Variants in SCNN1B observed in about 807,000 individuals in gnomAD.
SCNN1B encodes sodium channel epithelial 1 subunit beta.
A neutral mutation model predicts 65.3 loss-of-function variants in SCNN1B; 46 were observed. The observed-to-expected ratio is 0.70, with a 90% CI of 0.56 to 0.90. The LOEUF (loss-of-function observed/expected upper bound fraction) is 0.90. Among genes scored for constraint, SCNN1B ranks in the 40% least tolerant of loss-of-function variants. The probability of loss-of-function intolerance (pLI) is 0.00; values close to 1 mark genes in which losing one functional copy is unlikely to be tolerated. For missense variants in SCNN1B, 751 were observed against 830.5 expected (o/e 0.90, Z 1.18); for synonymous variants, 349 against 330.6 (o/e 1.06, Z -0.60).
At chr16:23,376,744 TAAAA>T (rs770607656) in intron 8 of SCNN1B, among the ~76,000 whole-genome samples, 1 of 63,196 alleles carries the variant, frequency 1.6e-5, no homozygotes. Context: ...ACCCCGTCTA[TAAAA>T]AAAAAAAAAA....
intron 11 of SCNN1B, among the ~76,000 whole-genome samples, chr16:23,379,842 T>C (rs913461878): frequency 3.3e-5 from 5 of 152,138 alleles, no homozygotes; most frequent in South Asian, 2.1e-4. Flanking sequence ...GGGCTGCACT[T>C]GCAGTTCTCG....
At chr16:23,379,046 T>C (rs1306569840) in intron 11 of SCNN1B, among the ~76,000 whole-genome samples, 1 of 149,802 alleles carries the variant, frequency 6.7e-6, no homozygotes. Flanking sequence ...CGCCCAGCCA[T>C]CCTCCACTCA....
intron 7 of SCNN1B, chr16:23,372,223 G>A (rs1962800300): frequency 2.6e-6 from 1 of 389,930 alleles, no homozygotes; most frequent in African/African-American, 2.0e-5. Flanking sequence ...GCGAAGGGCT[G>A]GAACACATTC....
chr16:23,337,668 G>A lies in SCNN1B; in HGVS notation c.-8-10924G>A, dbSNP rs185229463. Among the ~76,000 whole-genome samples, 461 of 151,202 alleles carry A rather than the reference G, an allele frequency of 3.0e-3. 7 individuals carry two copies. Among genetic ancestry groups the A allele is most frequent in the Non-Finnish European group, 3.8e-3 (259 of 67,840 alleles). On this transcript the variant is annotated intron_variant, in intron 1 of 12. Coordinates refer to ENST00000343070, the MANE Select transcript of SCNN1B (RefSeq NM_000336.3). Reference sequence around the variant, plus strand: ...GCTGTGATTACAGGCTTGAGCCACCGTGCTTGGCCCCAGGTTTCTTCTTAT... The same window carrying A: ...GCTGTGATTACAGGCTTGAGCCACCATGCTTGGCCCCAGGTTTCTTCTTAT...
intron 7 of SCNN1B, among the ~76,000 whole-genome samples, chr16:23,372,627 G>A (rs1962808700): frequency 6.6e-6 from 1 of 151,114 alleles, no homozygotes; most frequent in Admixed American, 6.6e-5. Context: ...CCGTGTAGCT[G>A]GGACTACAGG....
intron 5 of SCNN1B, among the ~76,000 whole-genome samples, chr16:23,368,454 A>T (rs985846612): frequency 2.0e-5 from 3 of 152,158 alleles, no homozygotes; most frequent in Non-Finnish European, 4.4e-5. Flanking sequence ...AGGCAGGAAG[A>T]TCGCTTGAGC....
intron 2 of SCNN1B, among the ~76,000 whole-genome samples, chr16:23,290,674 G>A (rs915026779): frequency 3.9e-5 from 6 of 151,982 alleles, no homozygotes; most frequent in Admixed American, 2.0e-4. Context: ...AAACCCCTAC[G>A]TGTAAAAAAT....
Position 23,380,116 on chromosome 16 carries a change from A to G in SCNN1B, c.1489A>G (p.Ile497Val). Residue 497 changes from isoleucine to valine, a missense_variant, in exon 12 of 13, where the codon ATC (isoleucine) becomes GTC (valine). Transcript: ENST00000343070. The surrounding 1 kb of genome is among the most constrained non-coding windows in gnomAD (Gnocchi z 5.4). The part of the protein sequence containing the change: ...LSRKGIVKLN[I>V]YFQEFNYRTI... The stretch of plus-strand genomic sequence containing the variant: ...CAGGAAGGGAATTGTCAAGCTCAAC[A>G]TCTACTTCCAAGAATTTAACTATCG... 3 of 1,614,088 alleles carry G rather than the reference A, an allele frequency of 1.9e-6. No individual in the cohort carries two copies. Among genetic ancestry groups the G allele is most frequent in the Non-Finnish European group, 2.5e-6 (3 of 1,180,008 alleles).
intron 2 of SCNN1B, among the ~76,000 whole-genome samples, chr16:23,293,814 C>T (rs577513784): frequency 6.6e-6 from 1 of 152,100 alleles, no homozygotes; most frequent in East Asian, 1.9e-4. Flanking sequence ...TCCCCAACTA[C>T]TCAGGAGGCT....
chr16:23,323,704 C>T (rs901419437), intron 1 of SCNN1B: 15 of 663,758 alleles, frequency 2.3e-5, no homozygotes, highest in South Asian at 3.3e-5. Flanking sequence ...TAGGCTGGGA[C>T]CAGGTTGCAA....
intron 4 of SCNN1B, among the ~76,000 whole-genome samples, chr16:23,359,580 C>T (rs1962493299): frequency 6.6e-6 from 1 of 152,122 alleles, no homozygotes; most frequent in African/African-American, 2.4e-5. Context: ...GGTGCTGGGC[C>T]ACAGACACTG....
intron 1 of SCNN1B, among the ~76,000 whole-genome samples, chr16:23,314,666 A>G (rs541871579): frequency 1.3e-5 from 2 of 152,262 alleles, no homozygotes; most frequent in East Asian, 3.9e-4. Flanking sequence ...CCTTTGGTTC[A>G]CCCACAGCCA....
Position 23,303,005 on chromosome 16 carries a change from G to A in SCNN1B, c.-9+568G>A, listed in dbSNP as rs544083619. Among the ~76,000 whole-genome samples, 12 of 152,298 alleles carry A rather than the reference G, an allele frequency of 7.9e-5. No individual in the cohort carries two copies. In the East Asian group the frequency reaches 2.3e-3, roughly 29 times the overall value. ...TCCGACCCTGGAGCCTACCTCGTGG[G>A]CTGTCAGTGGCGTCCGGGGAACGTG... On this transcript the variant is annotated intron_variant, in intron 1 of 12. Transcript: ENST00000343070.
At chr16:23,314,604 G>A (rs960438540) in intron 1 of SCNN1B, among the ~76,000 whole-genome samples, 3 of 152,166 alleles carry the variant, frequency 2.0e-5, no homozygotes, top group East Asian at 3.9e-4. Context: ...CGTCTGAGAG[G>A]TGAGTGTGGA....
At chr16:23,308,639 T>C (rs925224915) in intron 1 of SCNN1B, among the ~76,000 whole-genome samples, 1 of 152,190 alleles carries the variant, frequency 6.6e-6, no homozygotes, top group African/African-American at 2.4e-5. Flanking sequence ...TCTTATCTTA[T>C]TTGTTTATTT....
intron 1 of SCNN1B, among the ~76,000 whole-genome samples, chr16:23,315,872 C>A (rs1961442886): frequency 6.6e-6 from 1 of 152,152 alleles, no homozygotes; most frequent in Admixed American, 6.5e-5. Context: ...CACATAATAA[C>A]CCTATCAAGT....
At chr16:23,330,887 T>C (rs1386031768) in intron 1 of SCNN1B, among the ~76,000 whole-genome samples, 1 of 151,974 alleles carries the variant, frequency 6.6e-6, no homozygotes, top group African/African-American at 2.4e-5. Context: ...AGTCGAGGCT[T>C]CCCTGGAGCT....
In SCNN1B at chr16:23,361,769, T is replaced by C. The variant is rs200185249; in HGVS notation, c.777-6087T>C. Reference sequence around the variant, plus strand: ...AGCCATTTCTCTAAAGAGCTCTGTTTGGTTTTTTGGTTGTTTTGTTTGTTT... The same window carrying C: ...AGCCATTTCTCTAAAGAGCTCTGTTCGGTTTTTTGGTTGTTTTGTTTGTTT... On this transcript the variant is annotated intron_variant, in intron 4 of 12. Transcript: ENST00000343070. Among the ~76,000 whole-genome samples the C allele has an allele frequency of 2.0e-4, 31 of 152,278 alleles. No individual in the cohort carries two copies. The East Asian group carries it at 5.6e-3, about 27-fold the overall frequency.
chr16:23,380,863 G>T lies in SCNN1B; in HGVS notation c.*62G>T. On this transcript the variant is annotated 3_prime_UTR_variant, in exon 13 of 13. Coordinates refer to ENST00000343070, the MANE Select transcript of SCNN1B (RefSeq NM_000336.3). The surrounding 1 kb of genome is among the most constrained non-coding windows in gnomAD (Gnocchi z 5.4). ...TGAGCAGCCAAGACTGTTGCCCGAGGCCTCACTGTATGGTGCCCTCTCCAA... is the reference window on the plus strand; with the variant it reads ...TGAGCAGCCAAGACTGTTGCCCGAGTCCTCACTGTATGGTGCCCTCTCCAA... The T allele has an allele frequency of 6.3e-7, 1 of 1,580,944 alleles. No homozygotes were observed.
Sources: gnomAD v4.1 joint callset for allele counts (sites outside exome capture counted in the v4.1 genomes callset) on GRCh38, gnomAD v4.1.1 for gene constraint, Gnocchi (gnomAD v3.1) non-coding constraint, MANE v1.5 for transcripts, NCBI Gene and HGNC (gene_info 2026-07-23, HGNC 2026-07-21) for gene names.